The following CNTN1 variants were observed in gnomAD, a reference collection of about 807,000 sequenced individuals.
CNTN1 encodes the protein contactin 1.
Under a neutral mutation model 126.4 loss-of-function variants are expected in CNTN1, and 38 were observed. The ratio of observed to expected loss-of-function variants is 0.30; its 90% CI spans 0.23 to 0.39. The LOEUF (loss-of-function observed/expected upper bound fraction) is 0.39. CNTN1 is among the 10% of genes least tolerant of loss of function. The pLI, the probability that CNTN1 is intolerant of heterozygous loss-of-function variation, is 1.00. For missense variants in CNTN1, 1,009 were observed against 1,248.4 expected (o/e 0.81, Z 2.89); for synonymous variants, 413 against 422.6 (o/e 0.98, Z 0.28).
intron 1 of CNTN1, among the ~76,000 whole-genome samples, chr12:40,749,548 G>GTGCAGGGCTTCAGT (rs1555150237): frequency 7.0e-6 from 1 of 143,818 alleles, no homozygotes. Flanking sequence ...ACTAGGGTGA[G>GTGCAGGGCTTCAGT]GTCATAAAGA....
At chr12:40,704,310 A>G (rs1307888824) in intron 1 of CNTN1, among the ~76,000 whole-genome samples, 1 of 152,182 alleles carries the variant, frequency 6.6e-6, no homozygotes, top group African/African-American at 2.4e-5. Context: ...ATCATTCTTG[A>G]TAAGAAAAGA....
chr12:41,027,985 G>A lies in CNTN1; in HGVS notation c.2823+16G>A. ...GGGATATAAGGTATATACAAATAGTGATGATTAATGTTTGCAATTCTTGCT... is the reference window on the plus strand; with the variant it reads ...GGGATATAAGGTATATACAAATAGTAATGATTAATGTTTGCAATTCTTGCT... On this transcript the variant is annotated intron_variant, in intron 22 of 23. Transcript: ENST00000551295. 6.7e-7 allele frequency: 1 copy of A among 1,482,406 alleles called. No homozygotes were observed. The highest frequency in any genetic ancestry group is 9.4e-7 in the Non-Finnish European group (1 of 1,060,090). 91.8% of individuals were successfully genotyped at this position (1,482,406 alleles called of 1,614,324 possible).
chr12:41,061,045 A>G (rs1949927957), intron 23 of CNTN1, among the ~76,000 whole-genome samples: 3 of 152,210 alleles, frequency 2.0e-5, no homozygotes, highest in Admixed American at 2.0e-4. Context: ...ATGAGAGGCC[A>G]CACACTCAAG....
At chr12:40,969,515 G>A (rs1203407308) in intron 15 of CNTN1, among the ~76,000 whole-genome samples, 1 of 152,128 alleles carries the variant, frequency 6.6e-6, no homozygotes, top group African/African-American at 2.4e-5. Context: ...TCTTTTCTCT[G>A]CCAGAGTGCT....
At chr12:40,745,026 C>T (rs930270705) in intron 1 of CNTN1, among the ~76,000 whole-genome samples, 1 of 152,060 alleles carries the variant, frequency 6.6e-6, no homozygotes, top group African/African-American at 2.4e-5. Context: ...TTGATGCGAT[C>T]CATATTGTCA....
chr12:41,003,602 C>T (rs1372379837), intron 17 of CNTN1, among the ~76,000 whole-genome samples: 1 of 148,794 alleles, frequency 6.7e-6, no homozygotes, highest in Non-Finnish European at 1.5e-5. Context: ...GGTTAGTTGG[C>T]TATTTATTAC....
chr12:40,900,808 T>C (rs1345561650), intron 1 of CNTN1, among the ~76,000 whole-genome samples: 1 of 152,182 alleles, frequency 6.6e-6, no homozygotes, highest in Non-Finnish European at 1.5e-5. Flanking sequence ...ATATTTTAGG[T>C]TTGGCAAATA....
At chr12:40,999,786 T>G (rs962246078) in intron 17 of CNTN1, among the ~76,000 whole-genome samples, 4 of 143,720 alleles carry the variant, frequency 2.8e-5, no homozygotes, top group African/African-American at 1.0e-4. Context: ...CACAGCAAGC[T>G]CTGCCTCCCA....
At chr12:40,770,664 A>G (rs541275889) in intron 1 of CNTN1, among the ~76,000 whole-genome samples, 1 of 152,194 alleles carries the variant, frequency 6.6e-6, no homozygotes, top group South Asian at 2.1e-4. Context: ...TCTAGATGCC[A>G]TATAAGGAAT....
rs1425524889 is a variant in CNTN1 at position 40,825,216 on chromosome 12, G to A, written c.-76-83141G>A. 2.0e-5 allele frequency among the ~76,000 whole-genome samples: 3 copies of A among 152,096 alleles called. No individual in the cohort carries two copies. The East Asian group carries it at 5.8e-4, about 29-fold the overall frequency. ...AGTAGAAAGCATGCCTTAAATCTTA[G>A]AGAACAAATAAAATCTTCTCCCACA... On this transcript the variant is annotated intron_variant, in intron 1 of 23. Coordinates refer to ENST00000551295, the MANE Select transcript of CNTN1 (RefSeq NM_001843.4).
At chr12:40,960,472 C>A (rs1212391551) in intron 15 of CNTN1, among the ~76,000 whole-genome samples, 2 of 152,012 alleles carry the variant, frequency 1.3e-5, no homozygotes, top group Non-Finnish European at 1.5e-5. Flanking sequence ...CAATCTCATG[C>A]AGCTCCTGCA....
rs374697226 is a variant in CNTN1, at chr12:40,810,672, AT to A, written c.-76-97684del. Among the ~76,000 whole-genome samples the A allele has an allele frequency of 6.1e-4, 93 of 151,980 alleles. 1 individual carries two copies. Among genetic ancestry groups the A allele is most frequent in the African/African-American group, 2.1e-3 (88 of 41,458 alleles). The stretch of plus-strand genomic sequence containing the variant: ...TTCTGTGTATGACACTTCAGTTAGC[AT>A]AATGTTCTCCAGGTTCATCCTAGTT... On this transcript the variant is annotated intron_variant, in intron 1 of 23. Transcript: ENST00000551295.
intron 14 of CNTN1, among the ~76,000 whole-genome samples, chr12:40,944,996 T>G (rs1946384843): frequency 6.6e-6 from 1 of 152,076 alleles, no homozygotes; most frequent in Non-Finnish European, 1.5e-5. Context: ...ACATTTAGGA[T>G]TGTTTAAGTC....
intron 1 of CNTN1, among the ~76,000 whole-genome samples, chr12:40,740,574 C>T (rs1043015281): frequency 1.3e-5 from 2 of 152,082 alleles, no homozygotes; most frequent in Non-Finnish European, 2.9e-5. Context: ...TAGGGCCCAG[C>T]CTTGGCCTCC....
At chr12:40,725,003 A>AATT (rs1197838393) in intron 1 of CNTN1, among the ~76,000 whole-genome samples, 1 of 152,206 alleles carries the variant, frequency 6.6e-6, no homozygotes. Flanking sequence ...CAAAAGACAA[A>AATT]TGACATGTGA....
chr12:41,032,404 A>G (rs1245728105), intron 23 of CNTN1, among the ~76,000 whole-genome samples: 2 of 152,064 alleles, frequency 1.3e-5, no homozygotes, highest in African/African-American at 2.4e-5. Flanking sequence ...AAAAAGAAAG[A>G]AAGATGGCTC....
chr12:41,038,897 A>C (rs1291517968), intron 23 of CNTN1, among the ~76,000 whole-genome samples: 1 of 152,058 alleles, frequency 6.6e-6, no homozygotes, highest in African/African-American at 2.4e-5. Context: ...AAATGCTTGA[A>C]AAAAAATGGA....
chr12:40,768,167 T>C (rs1939191046), intron 1 of CNTN1, among the ~76,000 whole-genome samples: 1 of 152,230 alleles, frequency 6.6e-6, no homozygotes, highest in Non-Finnish European at 1.5e-5. Flanking sequence ...AATTTACAAA[T>C]TATTAATAGT....
intron 16 of CNTN1, among the ~76,000 whole-genome samples, chr12:40,981,635 G>A (rs114853401): frequency 0.012 from 1,840 of 151,988 alleles, 30 homozygotes; most frequent in African/African-American, 0.042. Flanking sequence ...AGTTGATCGG[G>A]AAAAATTAAC....
Sources: gnomAD v4.1 joint callset for allele counts (sites outside exome capture counted in the v4.1 genomes callset) on GRCh38, gnomAD v4.1.1 for gene constraint, MANE v1.5 for transcripts, NCBI Gene and HGNC (gene_info 2026-07-23, HGNC 2026-07-21) for gene names.